The following KIAA1671 variants were observed in gnomAD, a reference collection of about 807,000 sequenced individuals.
KIAA1671 encodes KIAA1671.
A neutral mutation model predicts 131.2 loss-of-function variants in KIAA1671; 52 were observed. That is an observed-to-expected ratio of 0.40 (90% CI 0.32 to 0.50). KIAA1671 has a LOEUF of 0.50. Among genes scored for constraint, KIAA1671 ranks in the 20% least tolerant of loss-of-function variants. The pLI, the probability that KIAA1671 is intolerant of heterozygous loss-of-function variation, is 0.73. For synonymous variants in KIAA1671, 1,003 were observed against 961.6 expected (o/e 1.04, Z -0.80); for missense variants, 2,360 against 2,364.2 (o/e 1.00, Z 0.04).
At chr22:25,150,457 A>G (rs1181678515) in intron 6 of KIAA1671, among the ~76,000 whole-genome samples, 2 of 152,160 alleles carry the variant, frequency 1.3e-5, no homozygotes, top group African/African-American at 4.8e-5. Context: ...GTGCTAAGCC[A>G]TGGCAGTGGG....
At chr22:25,070,290 A>C in intron 6 of KIAA1671, 1 of 417,010 alleles carries the variant, frequency 2.4e-6, no homozygotes, top group Non-Finnish European at 4.4e-6. Context: ...GCGTGACAGG[A>C]GTGAGAAGAG....
At chr22:25,074,555 G>GTA (rs1430993358) in intron 6 of KIAA1671, among the ~76,000 whole-genome samples, 1 of 146,186 alleles carries the variant, frequency 6.8e-6, no homozygotes, top group Admixed American at 6.8e-5. Context: ...ATGTATATGT[G>GTA]TATATATATG....
intron 6 of KIAA1671, among the ~76,000 whole-genome samples, chr22:25,094,085 G>A (rs1036301189): frequency 3.3e-5 from 5 of 152,078 alleles, no homozygotes; most frequent in Non-Finnish European, 2.9e-5. Context: ...TTAAAGCATC[G>A]TTCTTGTTTT....
intron 9 of KIAA1671, chr22:25,179,704 C>T: frequency 1.7e-6 from 1 of 597,352 alleles, no homozygotes; most frequent in South Asian, 2.1e-5. Flanking sequence ...AATTGAGGCT[C>T]TTTGAGTTAC....
chr22:25,144,025 A>T (rs951234990), intron 6 of KIAA1671, among the ~76,000 whole-genome samples: 35 of 151,812 alleles, frequency 2.3e-4, no homozygotes, highest in Non-Finnish European at 4.7e-4. Context: ...AAAATGAACT[A>T]AAAAAAATGA....
At position 25,040,189 on chromosome 22, in the gene KIAA1671, C is replaced by T; in HGVS notation, c.3059C>T (p.Pro1020Leu). The change falls in exon 5 of 13, where the codon CCT (proline) becomes CTT (leucine). Residue 1020 changes from proline (P) to leucine (L), a missense_variant. Transcript: ENST00000358431. Reference protein sequence around the residue: ...QTSPAVKQGSPVEPKATFFAV... With the variant: ...QTSPAVKQGSLVEPKATFFAV... ...TCCCCAGCAGTGAAGCAAGGGTCAC[C>T]TGTGGAACCCAAGGCGACATTTTTT... The T allele has an allele frequency of 6.4e-7, 1 of 1,551,716 alleles. No homozygotes were observed. The highest frequency in any genetic ancestry group is 8.7e-7 in the Non-Finnish European group (1 of 1,147,004).
intron 6 of KIAA1671, among the ~76,000 whole-genome samples, chr22:25,098,455 TAATA>T (rs1038425889): frequency 1.2e-4 from 19 of 152,314 alleles, no homozygotes; most frequent in Non-Finnish European, 2.2e-4. Context: ...AGAGGGACAG[TAATA>T]AATAAACAAT....
rs1384344635 is a variant in KIAA1671, at chr22:25,046,408, C to CTCTCTCCATCCCTTCT, written c.4396-2807_4396-2806insTTCTCTCCATCCCTTC. Among the ~76,000 whole-genome samples the CTCTCTCCATCCCTTCT allele has an allele frequency of 5.3e-5, 8 of 151,170 alleles. No individual in the cohort carries two copies. The East Asian group carries it at 1.5e-3, about 29-fold the overall frequency. On this transcript the variant is annotated intron_variant, in intron 5 of 12. Transcript: ENST00000358431. ...TGATGGTCATTAAAGTGATTCCTTC[C>CTCTCTCCATCCCTTCT]TCTCTCCATCCCTTCCTCTCTCCAT...
chr22:25,177,893 G>T (rs1376529295), intron 9 of KIAA1671, among the ~76,000 whole-genome samples: 1 of 152,068 alleles, frequency 6.6e-6, no homozygotes, highest in Non-Finnish European at 1.5e-5. Context: ...CTGTCTTGGT[G>T]GGGAGAGGGA....
chr22:25,063,301 G>A (rs1055849450), intron 6 of KIAA1671: 21 of 143,846 alleles, frequency 1.5e-4, no homozygotes, highest in African/African-American at 4.0e-4. Context: ...GTGAGCGCAC[G>A]GCATGACAAA....
intron 1 of KIAA1671, chr22:25,009,609 T>A (rs1259806579): frequency 6.8e-6 from 1 of 146,322 alleles, no homozygotes; most frequent in African/African-American, 2.6e-5. Flanking sequence ...TGAGACAGAG[T>A]CTCACATTGT....
At chr22:25,113,961 T>G (rs1931523731) in intron 6 of KIAA1671, among the ~76,000 whole-genome samples, 1 of 152,134 alleles carries the variant, frequency 6.6e-6, no homozygotes, top group African/African-American at 2.4e-5. Flanking sequence ...ACAGGCAGGC[T>G]CTGTTGGCAT....
chr22:24,961,505 C>T (rs1444853876), intron 1 of KIAA1671, among the ~76,000 whole-genome samples: 1 of 152,222 alleles, frequency 6.6e-6, no homozygotes, highest in African/African-American at 2.4e-5. Flanking sequence ...CTTGGCTGAC[C>T]TTAGCTAGGC....
chr22:25,107,001 A>G (rs1249917915), intron 6 of KIAA1671, among the ~76,000 whole-genome samples: 1 of 152,244 alleles, frequency 6.6e-6, no homozygotes, highest in African/African-American at 2.4e-5. Flanking sequence ...ATAGGGTCAA[A>G]AGTTGGACAC....
chr22:25,004,862 C>T (rs888893662), intron 1 of KIAA1671, among the ~76,000 whole-genome samples: 52 of 151,340 alleles, frequency 3.4e-4, no homozygotes, highest in African/African-American at 1.0e-3. Context: ...AGGAGAATGG[C>T]GTAAACCCAG....
chr22:24,961,279 G>A (rs1922003783), intron 1 of KIAA1671, among the ~76,000 whole-genome samples: 1 of 152,142 alleles, frequency 6.6e-6, no homozygotes, highest in Admixed American at 6.5e-5. Context: ...GCAGATGTGA[G>A]CCACCACACC....
chr22:25,101,889 C>T (rs1206983960), intron 6 of KIAA1671, among the ~76,000 whole-genome samples: 1 of 152,142 alleles, frequency 6.6e-6, no homozygotes, highest in Non-Finnish European at 1.5e-5. Context: ...CAAATTATGG[C>T]CAGGTAAACT....
chr22:25,126,385 G>A (rs1003465974), intron 6 of KIAA1671, among the ~76,000 whole-genome samples: 5 of 152,246 alleles, frequency 3.3e-5, no homozygotes, highest in African/African-American at 9.6e-5. Flanking sequence ...AGGGTTGGAT[G>A]TGGCAGCCAC....
At chr22:24,984,757 C>CA (rs1437645499) in intron 1 of KIAA1671, among the ~76,000 whole-genome samples, 4 of 151,392 alleles carry the variant, frequency 2.6e-5, no homozygotes, top group Non-Finnish European at 5.9e-5. Flanking sequence ...ACTAAAAATG[C>CA]AAAAAAATTA....
Sources: allele counts gnomAD v4.1 joint callset (sites outside exome capture counted in the v4.1 genomes callset), GRCh38; gene constraint gnomAD v4.1.1; transcripts MANE v1.5; gene names NCBI Gene and HGNC (gene_info 2026-07-23, HGNC 2026-07-21).